PARP16: variants seen among roughly 807,000 people sequenced by gnomAD.
PARP16 encodes the protein protein mono-ADP-ribosyltransferase PARP16.
A neutral mutation model predicts 35.0 loss-of-function variants in PARP16; 31 were observed. The ratio of observed to expected loss-of-function variants is 0.88; its 90% CI spans 0.66 to 1.19. PARP16 has a LOEUF of 1.19. Among genes scored for constraint, PARP16 ranks in the 50% most tolerant of loss-of-function variants. PARP16 has a pLI of 0.00. For synonymous variants in PARP16, 162 were observed against 169.5 expected (o/e 0.96, Z 0.34); for missense variants, 424 against 411.2 (o/e 1.03, Z -0.27).
intron 2 of PARP16, among the ~76,000 whole-genome samples, chr15:65,267,839 G>A (rs2089957969): frequency 6.6e-6 from 1 of 151,150 alleles, no homozygotes; most frequent in Admixed American, 6.6e-5. Context: ...ACAAGTGCGT[G>A]CCACCACCCC....
intron 4 of PARP16, 152 bp downstream of exon 4, chr15:65,262,997 T>G (rs1466619563): frequency 1.2e-5 from 8 of 673,832 alleles, no homozygotes; most frequent in Non-Finnish European, 2.1e-5. Context: ...AGAAGACTGC[T>G]CGCTCCTTGG....
chr15:65,240,295 AGT>A (rs201751788), intron 3 of PARP16, among the ~76,000 whole-genome samples: 1 of 80,776 alleles, frequency 1.2e-5, no homozygotes, highest in Non-Finnish European at 2.8e-5. Context: ...ACGCCTGGCT[AGT>A]GTGTGTGTGT....
chr15:65,266,630 A>T lies in PARP16; in HGVS notation c.451T>A (p.Phe151Ile), dbSNP rs766534706. The T allele has an allele frequency of 6.2e-7, 1 of 1,614,032 alleles. No individual in the cohort carries two copies. Among genetic ancestry groups the T allele is most frequent in the African/African-American group, 1.3e-5 (1 of 74,918 alleles). The change falls in exon 3 of 6, where the codon TTT becomes ATT. Residue 151 changes from phenylalanine to isoleucine, a missense_variant. Phe to Ile is a conservative substitution (Grantham distance 21, BLOSUM62 0). Coordinates refer to ENST00000649807, the MANE Select transcript of PARP16 (RefSeq NM_001316943.2). ...AAGTTTTCTAGGCGGCTACCATGAA[A>T]TGCATAGATTAGGTCTCGTTCTCCT... ...TKGERDLIYA[F>I]HGSRLENFHS... is the part of the protein sequence containing the mutation.
rs1342779169 is a variant in PARP16 at position 65,269,509 on chromosome 15, T to C, written c.312+1426A>G. On this transcript the variant is annotated intron_variant, in intron 2 of 5. Coordinates refer to ENST00000649807, the MANE Select transcript of PARP16 (RefSeq NM_001316943.2). Reference sequence around the variant, plus strand: ...CCGCACCCAGCCAGTGGTTTTCAAATAGTAGGTCACAGACCAAAGCCAGTC... The same window carrying C: ...CCGCACCCAGCCAGTGGTTTTCAAACAGTAGGTCACAGACCAAAGCCAGTC... Among the ~76,000 whole-genome samples the C allele has an allele frequency of 2.0e-5, 3 of 152,162 alleles. No individual in the cohort carries two copies. In the East Asian group the frequency reaches 5.8e-4, roughly 29 times the overall value.
At chr15:65,235,996 T>G (rs2088870641) in intron 3 of PARP16, among the ~76,000 whole-genome samples, 1 of 151,756 alleles carries the variant, frequency 6.6e-6, no homozygotes, top group African/African-American at 2.4e-5. Context: ...TAGCTGGGAT[T>G]ACAGGCATGT....
intron 4 of PARP16, among the ~76,000 whole-genome samples, chr15:65,262,264 C>G (rs2089753141): frequency 6.6e-6 from 1 of 151,984 alleles, no homozygotes; most frequent in African/African-American, 2.4e-5. Flanking sequence ...TCCCAAGTAG[C>G]TGGGACCACA....
intron 3 of PARP16, among the ~76,000 whole-genome samples, chr15:65,239,717 C>T (rs1334406929): frequency 2.0e-5 from 3 of 147,322 alleles, no homozygotes; most frequent in East Asian, 2.0e-4. Context: ...AGTGTAGTGG[C>T]GCGATCTCCC....
At chr15:65,254,167 T>A (rs2089439740), downstream of PARP16, among the ~76,000 whole-genome samples, 1 of 152,184 alleles carries the variant, frequency 6.6e-6, no homozygotes, top group African/African-American at 2.4e-5. Context: ...GTGGCTGATA[T>A]AAAGTATTCA....
chr15:65,282,234 A>C (rs780936211), intron 1 of PARP16, among the ~76,000 whole-genome samples: 16 of 152,062 alleles, frequency 1.1e-4, no homozygotes, highest in Non-Finnish European at 2.2e-4. Flanking sequence ...GCTGCTTTCA[A>C]ACTCCTGGAC....
chr15:65,263,463 A>G (rs573355853), intron 3 of PARP16, 143 bp from the exon 4 acceptor site: 1 of 615,446 alleles, frequency 1.6e-6, no homozygotes, highest in Admixed American at 3.1e-5. Context: ...CACAGGATCA[A>G]ATAATCCTGT....
At chr15:65,263,808 T>C (rs990703692) in intron 3 of PARP16, among the ~76,000 whole-genome samples, 2 of 152,252 alleles carry the variant, frequency 1.3e-5, no homozygotes, top group Admixed American at 1.3e-4. Flanking sequence ...CAGTACTCCA[T>C]TGCAGGCCTT....
intron 3 of PARP16, among the ~76,000 whole-genome samples, chr15:65,264,104 T>C (rs894494): frequency 0.4 from 61,300 of 152,114 alleles, 14,025 homozygotes; most frequent in East Asian, 0.86. Flanking sequence ...ACTCTTTGTA[T>C]TGGGGTTGAC....
intron 1 of PARP16, among the ~76,000 whole-genome samples, chr15:65,280,502 GACA>G (rs2090389072): frequency 6.7e-6 from 1 of 149,254 alleles, no homozygotes; most frequent in African/African-American, 2.5e-5. Flanking sequence ...TATCCAAGAA[GACA>G]ACAACAGATA....
At chr15:65,230,951 C>T (rs1202918714), downstream of PARP16, among the ~76,000 whole-genome samples, 2 of 132,278 alleles carry the variant, frequency 1.5e-5, no homozygotes, top group South Asian at 2.4e-4. Context: ...TGCAGTGGTG[C>T]GATCTCAGCT....
At position 65,286,290 on chromosome 15, in the gene PARP16, G is replaced by T; in HGVS notation, c.137C>A (p.Ser46Tyr). The change falls in exon 1 of 6, where the codon TCC becomes TAC. Residue 46 changes from serine to tyrosine, a missense_variant. By Grantham distance (144) the Ser-to-Tyr change is moderately radical (BLOSUM62 -2). Coordinates refer to ENST00000649807, the MANE Select transcript of PARP16 (RefSeq NM_001316943.2). ...RDSVLRPFPA[S>Y]YARGDCKDFE... ...GTCCTTACAGTCGCCGCGGGCGTAG[G>T]ACGCGGGGAAGGGCCGCAGCACCGA... is the stretch of plus-strand genomic sequence containing the variant. 1 of 1,601,062 alleles carries T rather than the reference G, an allele frequency of 6.2e-7. No individual in the cohort carries two copies. The highest frequency in any genetic ancestry group is 8.5e-7 in the Non-Finnish European group (1 of 1,175,132).
chr15:65,278,066 C>T (rs568698937), intron 1 of PARP16, among the ~76,000 whole-genome samples: 13 of 152,272 alleles, frequency 8.5e-5, no homozygotes, highest in South Asian at 4.1e-4. Context: ...GGAAAGAGCA[C>T]GGCAGATGGG....
chr15:65,232,187 T>C (rs745956555), downstream of PARP16, among the ~76,000 whole-genome samples: 1 of 152,124 alleles, frequency 6.6e-6, no homozygotes, highest in Non-Finnish European at 1.5e-5. Context: ...GAAATTAAGA[T>C]AGGCATTTTT....
rs780528618 is a variant in PARP16 at position 65,260,986 on chromosome 15, A to G, written c.732T>C (p.His244=). 7.7e-5 allele frequency: 124 copies of G among 1,613,646 alleles called. 2 individuals are homozygous for G. In the South Asian group the frequency reaches 1.4e-3, roughly 18 times the overall value. The change falls in exon 5 of 6, where the codon CAT becomes CAC. Residue 244 remains histidine (H), a synonymous_variant. Coordinates refer to ENST00000649807, the MANE Select transcript of PARP16 (RefSeq NM_001316943.2). ...EIDRRRARIK[H]SEGGDIPPKY... is the part of the protein sequence containing the mutation. The stretch of plus-strand genomic sequence containing the variant: ...TGGGAGGGATGTCTCCCCCTTCACT[A>G]TGTTTGATTCTCGCTCGTCTGCGAT...
chr15:65,252,452 T>G (rs767075025), intron 2 of PARP16, among the ~76,000 whole-genome samples: 2 of 152,210 alleles, frequency 1.3e-5, no homozygotes, highest in Admixed American at 6.5e-5. Context: ...AGAATAAAAC[T>G]GCATCTTTAA....
Sources: gnomAD v4.1 joint callset for allele counts (sites outside exome capture counted in the v4.1 genomes callset) on GRCh38, gnomAD v4.1.1 for gene constraint, MANE v1.5 for transcripts, NCBI Gene and HGNC (gene_info 2026-07-23, HGNC 2026-07-21) for gene names.